GPR158: variants seen among roughly 807,000 people sequenced by gnomAD.
GPR158 encodes metabotropic glycine receptor.
In GPR158, 30 loss-of-function variants were observed where a neutral mutation model predicts 78.2. The observed-to-expected ratio is 0.38, with a 90% CI of 0.29 to 0.52. The LOEUF (loss-of-function observed/expected upper bound fraction) is 0.52. Among genes scored for constraint, GPR158 ranks in the 20% least tolerant of loss-of-function variants. The pLI is 0.83. For missense variants in GPR158, 1,463 were observed against 1,523.5 expected (o/e 0.96, Z 0.66); for synonymous variants, 581 against 591.1 (o/e 0.98, Z 0.25).
At chr10:25,319,565 A>G (rs1365465090) in intron 2 of GPR158, among the ~76,000 whole-genome samples, 1 of 152,212 alleles carries the variant, frequency 6.6e-6, no homozygotes, top group Non-Finnish European at 1.5e-5. Flanking sequence ...AGAATAAATT[A>G]AAAGCTATAA....
intron 2 of GPR158, among the ~76,000 whole-genome samples, chr10:25,247,644 C>A (rs1269803892): frequency 6.8e-6 from 1 of 147,240 alleles, no homozygotes; most frequent in Non-Finnish European, 1.5e-5. Context: ...AGGACATGAA[C>A]TCATCATTTT....
intron 2 of GPR158, among the ~76,000 whole-genome samples, chr10:25,274,824 C>T (rs1165397282): frequency 6.6e-6 from 1 of 152,106 alleles, no homozygotes; most frequent in Admixed American, 6.6e-5. Context: ...TGAATTAAGT[C>T]CCAGTTGTAA....
intron 6 of GPR158, among the ~76,000 whole-genome samples, chr10:25,571,129 T>C (rs948185950): frequency 2.0e-5 from 3 of 152,128 alleles, no homozygotes; most frequent in Admixed American, 2.0e-4. Flanking sequence ...GCGTTCACTA[T>C]GACATGGATG....
At chr10:25,229,871 G>T (rs1053414183) in intron 2 of GPR158, among the ~76,000 whole-genome samples, 1 of 152,148 alleles carries the variant, frequency 6.6e-6, no homozygotes, top group Non-Finnish European at 1.5e-5. Context: ...TAATTGCTGT[G>T]AAAATCCAGC....
At chr10:25,563,126 C>CCTTGTAAAATATCATTTGCTGT (rs1323071733) in intron 6 of GPR158, among the ~76,000 whole-genome samples, 2 of 152,072 alleles carry the variant, frequency 1.3e-5, no homozygotes, top group African/African-American at 4.8e-5. Flanking sequence ...TCATTTGCTG[C>CCTTGTAAAATATCATTTGCTGT]CTTTTTATTT....
chr10:25,596,619 C>CT (rs1257872873), intron 9 of GPR158, 24 bp from the exon 10 acceptor site: 1 of 1,593,424 alleles, frequency 6.3e-7, no homozygotes, highest in Non-Finnish European at 8.6e-7. Context: ...CTAATGTCTA[C>CT]TGCTCATACT....
At chr10:25,347,089 C>T (rs900608959) in intron 2 of GPR158, among the ~76,000 whole-genome samples, 1 of 151,916 alleles carries the variant, frequency 6.6e-6, no homozygotes, top group Non-Finnish European at 1.5e-5. Context: ...TATTTGTTCT[C>T]TTATGATGTT....
chr10:25,409,529 C>T (rs1834558496), intron 3 of GPR158, among the ~76,000 whole-genome samples: 1 of 152,164 alleles, frequency 6.6e-6, no homozygotes, highest in Non-Finnish European at 1.5e-5. Context: ...TTTTCTACTT[C>T]AAAATGTATT....
At chr10:25,351,716 T>C (rs949517376) in intron 2 of GPR158, among the ~76,000 whole-genome samples, 1 of 151,512 alleles carries the variant, frequency 6.6e-6, no homozygotes, top group African/African-American at 2.4e-5. Flanking sequence ...CTTTCTTTTT[T>C]TTTTTTTTTA....
At chr10:25,484,823 G>A (rs536987244) in intron 5 of GPR158, among the ~76,000 whole-genome samples, 5 of 152,050 alleles carry the variant, frequency 3.3e-5, no homozygotes, top group Non-Finnish European at 5.9e-5. Context: ...TCCCATGCAG[G>A]TCCAGGACAC....
At position 25,583,676 on chromosome 10, in the gene GPR158, C is replaced by T. The variant is rs559686544; in HGVS notation, c.1754-5331C>T. On this transcript the variant is annotated intron_variant, in intron 7 of 10. Transcript: ENST00000376351. ...GTAAATATTTTTTTTTTACTTTAAC[C>T]ATGAATTTTTTAAGTGGATAGGATA... Among the ~76,000 whole-genome samples, 5 of 151,774 alleles carry T rather than the reference C, an allele frequency of 3.3e-5. No individual in the cohort carries two copies. The East Asian group carries it at 9.7e-4, about 29-fold the overall frequency.
chr10:25,177,733 G>T (rs952617274), intron 1 of GPR158, among the ~76,000 whole-genome samples: 11 of 152,174 alleles, frequency 7.2e-5, no homozygotes, highest in Non-Finnish European at 1.5e-4. Context: ...TTTAATGTTG[G>T]CAACACTTGC....
chr10:25,299,952 G>T (rs1854567666), intron 2 of GPR158, among the ~76,000 whole-genome samples: 2 of 152,014 alleles, frequency 1.3e-5, no homozygotes, highest in Non-Finnish European at 2.9e-5. Flanking sequence ...TCAGCCTCTG[G>T]AGTAGCTGGG....
rs556462424 is a variant in GPR158, at chr10:25,294,419, C to T, written c.1008+73262C>T. On this transcript the variant is annotated intron_variant, in intron 2 of 10. Transcript: ENST00000376351. ...CTTTAAATCAACTTAGTTTGCTCAG[C>T]AAGATAATTTCAGTTCATAAAGGCA... is the stretch of plus-strand genomic sequence containing the variant. Among the ~76,000 whole-genome samples, 170 of 152,204 alleles carry T rather than the reference C, an allele frequency of 1.1e-3. 1 individual carries two copies. The highest frequency in any genetic ancestry group is 9.7e-4 in the East Asian group (5 of 5,174).
At chr10:25,452,181 A>G (rs1027311587) in intron 4 of GPR158, among the ~76,000 whole-genome samples, 1 of 150,236 alleles carries the variant, frequency 6.7e-6, no homozygotes, top group Admixed American at 6.6e-5. Context: ...GGGACAACAG[A>G]TGCGTGCCAC....
intron 6 of GPR158, among the ~76,000 whole-genome samples, chr10:25,564,004 C>A (rs1020885098): frequency 1.3e-5 from 2 of 151,650 alleles, no homozygotes; most frequent in Non-Finnish European, 2.9e-5. Context: ...ATGGTAAATC[C>A]AAAAATCAGA....
At chr10:25,395,531 T>G (rs1025055497) in intron 2 of GPR158, among the ~76,000 whole-genome samples, 3 of 152,180 alleles carry the variant, frequency 2.0e-5, no homozygotes, top group Non-Finnish European at 1.5e-5. Flanking sequence ...TACCTACCTT[T>G]GCTTTGATAG....
chr10:25,391,671 G>A (rs1445134467), intron 2 of GPR158, among the ~76,000 whole-genome samples: 1 of 152,172 alleles, frequency 6.6e-6, no homozygotes, highest in African/African-American at 2.4e-5. Flanking sequence ...CATAGGTGGA[G>A]GGGGCTTACC....
chr10:25,467,612 T>C (rs893062974), intron 5 of GPR158, among the ~76,000 whole-genome samples: 2 of 152,174 alleles, frequency 1.3e-5, no homozygotes, highest in African/African-American at 4.8e-5. Flanking sequence ...ATTTATGGTT[T>C]GTAGGGCATG....
Sources: allele counts gnomAD v4.1 joint callset (sites outside exome capture counted in the v4.1 genomes callset), GRCh38; gene constraint gnomAD v4.1.1; transcripts MANE v1.5; gene names NCBI Gene and HGNC (gene_info 2026-07-23, HGNC 2026-07-21).